ZNF674: variants seen among roughly 807,000 people sequenced by gnomAD.
ZNF674 encodes the protein zinc finger protein 674.
A neutral mutation model predicts 7.0 loss-of-function variants in ZNF674; 2 were observed. The ratio of observed to expected loss-of-function variants is 0.29; its 90% CI spans 0.12 to 0.90. The LOEUF is 0.90. ZNF674 is among the 40% of genes least tolerant of loss of function. ZNF674 has a pLI of 0.57. For missense variants in ZNF674, 297 were observed against 415.5 expected (o/e 0.71, Z 2.48); for synonymous variants, 103 against 145.2 (o/e 0.71, Z 2.09).
chrX:46,525,865 T>A (rs1363696902), intron 5 of ZNF674, among the ~76,000 whole-genome samples: 1 of 111,366 alleles, frequency 9.0e-6, no homozygotes, highest in Non-Finnish European at 1.9e-5. Flanking sequence ...AATGGGAAAT[T>A]GAAATTAAAC....
At chrX:46,545,013 G>A (rs1214376034) in intron 1 of ZNF674, among the ~76,000 whole-genome samples, 1 of 111,601 alleles carries the variant, frequency 9.0e-6, no homozygotes, top group Non-Finnish European at 1.9e-5. Context: ...AGGATTCCTC[G>A]GGTTTGCTAC....
chrX:46,526,539 A>G (rs777601618), intron 5 of ZNF674, among the ~76,000 whole-genome samples: 1 of 111,098 alleles, frequency 9.0e-6, no homozygotes, highest in South Asian at 3.8e-4. Context: ...CAGCCTCCCA[A>G]AGTGCTTGGA....
chrX:46,514,361 G>A (rs769552287), intron 5 of ZNF674, among the ~76,000 whole-genome samples: 6 of 111,171 alleles, frequency 5.4e-5, no homozygotes, highest in East Asian at 5.7e-4. Flanking sequence ...AAGAGGTTGC[G>A]TGGGGGTGAA....
chrX:46,545,312 A>G, intron 1 of ZNF674, 59 bp downstream of exon 1: 1 of 110,138 alleles, frequency 9.1e-6, no homozygotes, highest in East Asian at 2.9e-4. Context: ...AACTCCCGTC[A>G]TTCCTCCCGT....
rs768903852 is a variant in ZNF674 at position 46,526,632 on chromosome X, G to A, written c.238+1718C>T. On this transcript the variant is annotated intron_variant, in intron 5 of 5. Transcript: ENST00000683375. ...GTAAGTCAACAACAACAACAACAAC[G>A]AAGAGTATTTTCAAAACTGCTGCTG... Among the ~76,000 whole-genome samples, 12 of 110,901 alleles carry A rather than the reference G, an allele frequency of 1.1e-4. No homozygotes were observed. The South Asian group carries it at 3.4e-3, about 32-fold the overall frequency.
At chrX:46,508,573 A>T (rs5906222) in intron 5 of ZNF674, among the ~76,000 whole-genome samples, 25,282 of 109,098 alleles carry the variant, frequency 0.23, 2,711 homozygotes, top group Middle Eastern at 0.36. Context: ...CATTTTCACG[A>T]TATTGATTCT....
In ZNF674 at chrX:46,498,157, G is replaced by C. The variant is rs934974778; in HGVS notation, c.*1686C>G. ...CCAAATTTGCCAGTAGTCTTAATTG[G>C]TGCATGTTATTTCACCTGACATACC... On this transcript the variant is annotated 3_prime_UTR_variant, in exon 6 of 6. Coordinates refer to ENST00000683375, the MANE Select transcript of ZNF674 (RefSeq NM_001190417.2). 3 of 110,915 alleles carry C rather than the reference G, an allele frequency of 2.7e-5. No homozygotes were observed. Among genetic ancestry groups the C allele is most frequent in the Non-Finnish European group, 5.7e-5 (3 of 52,941 alleles). 9.1% of individuals were successfully genotyped at this position (110,915 alleles called of 1,213,427 possible).
chrX:46,523,142 GA>G, intron 5 of ZNF674: 2 of 255,950 alleles, frequency 7.8e-6, no homozygotes, highest in Non-Finnish European at 1.5e-5. Flanking sequence ...CAAAGAAATA[GA>G]AAATGAAAAA....
intron 3 of ZNF674, among the ~76,000 whole-genome samples, chrX:46,532,552 C>T (rs371079444): frequency 4.5e-5 from 5 of 111,783 alleles, no homozygotes; most frequent in Non-Finnish European, 7.5e-5. Flanking sequence ...AAATAAACCA[C>T]GCAGTGTCAA....
intron 2 of ZNF674, 32 bp from the exon 3 acceptor site, chrX:46,542,148 AGTGG>A: frequency 1.1e-6 from 1 of 893,554 alleles, no homozygotes; most frequent in Non-Finnish European, 1.6e-6. Context: ...GGTTGAGTTC[AGTGG>A]GTATAGACAT....
intron 3 of ZNF674, among the ~76,000 whole-genome samples, chrX:46,538,586 G>T (rs909821596): frequency 1.8e-5 from 2 of 111,601 alleles, no homozygotes; most frequent in Admixed American, 9.6e-5. Flanking sequence ...AAGTACAAAT[G>T]ATGGTTAAAA....
At position 46,501,213 on chromosome X, in the gene ZNF674, A is replaced by G; in HGVS notation, c.361T>C (p.Cys121Arg). Residue 121 changes from cysteine to arginine, a missense_variant, in exon 6 of 6, where the codon TGT becomes CGT. Transcript: ENST00000683375. ...KDESGQECKI[C>R]RKIIYLNTDF... ...GTGTTGAGATAAATGATTTTTCTAC[A>G]TATTTTACATTCTTGACCACTTTCA... 1 of 1,210,767 alleles carries G rather than the reference A, an allele frequency of 8.3e-7. No individual in the cohort carries two copies.
At chrX:46,504,921 C>A (rs1379125888) in intron 5 of ZNF674, among the ~76,000 whole-genome samples, 1 of 108,033 alleles carries the variant, frequency 9.3e-6, no homozygotes, top group Non-Finnish European at 1.9e-5. Context: ...ATGGAGTCTC[C>A]CTCTGTCGCC....
intron 5 of ZNF674, among the ~76,000 whole-genome samples, chrX:46,504,055 C>T (rs1941482009): frequency 9.0e-6 from 1 of 110,644 alleles, no homozygotes; most frequent in Non-Finnish European, 1.9e-5. Context: ...AAAATACACA[C>T]ATGTGCACAC....
chrX:46,511,737 C>T (rs1941656940), intron 5 of ZNF674, among the ~76,000 whole-genome samples: 1 of 112,274 alleles, frequency 8.9e-6, no homozygotes. Context: ...AAGAATGGTA[C>T]AACAGGCCGG....
At chrX:46,516,922 G>A (rs762191241) in intron 5 of ZNF674, among the ~76,000 whole-genome samples, 6 of 109,991 alleles carry the variant, frequency 5.5e-5, no homozygotes, top group African/African-American at 1.7e-4. Context: ...GCTTGAACCT[G>A]GGAGGCAGAG....
Position 46,533,629 on chromosome X carries a change from G to A in ZNF674, c.16-4720C>T, listed in dbSNP as rs1394291778. On this transcript the variant is annotated intron_variant, in intron 3 of 5. Transcript: ENST00000683375. ...ATACAAAAATTAGCCAGGTGTGGTG[G>A]TGCACGCCTATAATCCCAGCTACTC... Among the ~76,000 whole-genome samples the A allele has an allele frequency of 5.7e-5, 6 of 105,905 alleles. No homozygotes were observed. The Admixed American group carries it at 6.3e-4, about 11-fold the overall frequency. The allele number at this position is 105,905 out of a possible 115,157, so 92.0% of individuals were successfully genotyped here. A position where few individuals can be genotyped will look rare whatever the true frequency, so the allele number is the denominator to read the frequency against.
chrX:46,498,721 C>CAAA lies in ZNF674; in HGVS notation c.*1121_*1122insTTT, dbSNP rs1941361158. On this transcript the variant is annotated 3_prime_UTR_variant, in exon 6 of 6. Coordinates refer to ENST00000683375, the MANE Select transcript of ZNF674 (RefSeq NM_001190417.2). ...CCAACATGGCAAAACTGCGTCTCTA[C>CAAA]TAAAAAAAAAAAAAAAAAAAAAGAA... 2 of 82,861 alleles carry CAAA rather than the reference C, an allele frequency of 2.4e-5. No homozygotes were observed. Among genetic ancestry groups the CAAA allele is most frequent in the Non-Finnish European group, 2.3e-5 (1 of 43,329 alleles). The allele number at this position is 82,861 out of a possible 1,213,427, so 6.8% of individuals were successfully genotyped here. A position where few individuals can be genotyped will look rare whatever the true frequency, so the allele number is the denominator to read the frequency against.
rs1325092199 is a variant in ZNF674 at position 46,512,695 on chromosome X, C to T, written c.239-11360G>A. On this transcript the variant is annotated intron_variant, in intron 5 of 5. Transcript: ENST00000683375. ...AAGAGAATCACTTGAACCCGGGAGG[C>T]AGAGGTTGCAGTGAGCCGAGATGGC... Among the ~76,000 whole-genome samples, 5 of 106,226 alleles carry T rather than the reference C, an allele frequency of 4.7e-5. No individual in the cohort carries two copies. In the Admixed American group the frequency reaches 5.1e-4, roughly 11 times the overall value. The allele number at this position is 106,226 out of a possible 115,157, so 92.2% of individuals were successfully genotyped here.
Sources: allele counts gnomAD v4.1 joint callset (sites outside exome capture counted in the v4.1 genomes callset), GRCh38; gene constraint gnomAD v4.1.1; transcripts MANE v1.5; gene names NCBI Gene and HGNC (gene_info 2026-07-23, HGNC 2026-07-21).